The following ARFGEF2 variants were observed in gnomAD, a reference collection of about 807,000 sequenced individuals.
ARFGEF2 encodes the protein ARF guanine nucleotide exchange factor 2.
ARFGEF2 carries 74 observed loss-of-function variants against 219.9 expected under a neutral mutation model. That is an observed-to-expected ratio of 0.34 (90% confidence interval 0.28 to 0.41). The LOEUF (loss-of-function observed/expected upper bound fraction) is 0.41. ARFGEF2 is among the 10% of genes least tolerant of loss of function. The probability of loss-of-function intolerance (pLI) is 1.00; values close to 1 mark genes in which losing one functional copy is unlikely to be tolerated. For synonymous variants in ARFGEF2, 733 were observed against 799.2 expected, an observed-to-expected ratio of 0.92 and a Z score of 1.40; for missense variants, 1,743 against 2,218.3, an observed-to-expected ratio of 0.79 and a Z score of 4.30.
At chr20:49,003,702 A>G (rs1345291909) in intron 25 of ARFGEF2, among the ~76,000 whole-genome samples, 3 of 152,112 alleles carry the variant, frequency 2.0e-5, no homozygotes, top group Admixed American at 6.6e-5. Context: ...ATATCCCCAG[A>G]TCTCCTGGCA....
At chr20:49,018,739 A>T (rs2091545930) in intron 33 of ARFGEF2, 145 bp from the exon 34 acceptor site, 1 of 683,082 alleles carries the variant, frequency 1.5e-6, no homozygotes. Flanking sequence ...GAGGCATGCT[A>T]CATTAAGCAT....
chr20:48,944,393 G>A (rs577338257), intron 3 of ARFGEF2, among the ~76,000 whole-genome samples: 7 of 152,122 alleles, frequency 4.6e-5, no homozygotes, highest in African/African-American at 9.7e-5. Flanking sequence ...TCACCGTACC[G>A]TGTGTAGTCC....
chr20:49,033,314 A>C lies in ARFGEF2; in HGVS notation c.*115A>C. The C allele has an allele frequency of 1.6e-6, 2 of 1,225,742 alleles. No individual in the cohort carries two copies. The highest frequency in any genetic ancestry group is 3.8e-5 in the Admixed American group (2 of 51,962). The allele number at this position is 1,225,742 out of a possible 1,614,324, so 75.9% of individuals were successfully genotyped here. On this transcript the variant is annotated 3_prime_UTR_variant, in exon 39 of 39. Coordinates refer to ENST00000371917, the MANE Select transcript of ARFGEF2 (RefSeq NM_006420.3). Reference sequence around the variant, plus strand: ...AGGAGTTGGCATCTTGGATCTCAGAATGGCCTGGAAACGGATGGCCTCTAC... The same window carrying C: ...AGGAGTTGGCATCTTGGATCTCAGACTGGCCTGGAAACGGATGGCCTCTAC...
chr20:49,005,771 GTCA>G (rs1241403727), intron 26 of ARFGEF2, among the ~76,000 whole-genome samples: 2 of 147,688 alleles, frequency 1.4e-5, no homozygotes, highest in East Asian at 4.0e-4. Flanking sequence ...AAAGAAATAT[GTCA>G]TGAACCCCTT....
rs1298952247 is a variant in ARFGEF2 at position 48,994,371 on chromosome 20, T to A, written c.2974-80T>A. 2.5e-6 allele frequency: 4 copies of A among 1,583,888 alleles called. No homozygotes were observed. In the African/African-American group the frequency reaches 5.4e-5, roughly 21 times the overall value. On this transcript the variant is annotated intron_variant, in intron 21 of 38. Coordinates refer to ENST00000371917, the MANE Select transcript of ARFGEF2 (RefSeq NM_006420.3). The stretch of plus-strand genomic sequence containing the variant: ...TAACTCCATTGAACCAACTTTTTTT[T>A]AATGACTAACTTAAGATTACAGTGC...
At chr20:48,984,056 AG>A (rs950053093) in intron 14 of ARFGEF2, among the ~76,000 whole-genome samples, 5 of 151,848 alleles carry the variant, frequency 3.3e-5, no homozygotes, top group African/African-American at 1.2e-4. Flanking sequence ...AAAAAAAAAA[AG>A]TAGAGAAAGA....
chr20:48,963,178 A>C (rs1255913118), intron 6 of ARFGEF2, among the ~76,000 whole-genome samples: 1 of 151,454 alleles, frequency 6.6e-6, no homozygotes, highest in Non-Finnish European at 1.5e-5. Flanking sequence ...TCTGTCTCAA[A>C]AAAAAAAAAA....
chr20:48,937,817 A>G (rs1013366946), intron 1 of ARFGEF2, among the ~76,000 whole-genome samples: 1 of 152,080 alleles, frequency 6.6e-6, no homozygotes, highest in Non-Finnish European at 1.5e-5. Context: ...TTCCAAAACC[A>G]GGTTTTACCT....
chr20:48,940,874 T>C (rs2090989049), intron 1 of ARFGEF2, among the ~76,000 whole-genome samples: 2 of 152,168 alleles, frequency 1.3e-5, no homozygotes, highest in African/African-American at 2.4e-5. Context: ...TAACAAAGAA[T>C]TCTTCATCCC....
At chr20:48,926,059 C>A (rs2090875154) in intron 1 of ARFGEF2, among the ~76,000 whole-genome samples, 1 of 152,170 alleles carries the variant, frequency 6.6e-6, no homozygotes. Context: ...TCACTATTAT[C>A]ATCATTCCCA....
intron 36 of ARFGEF2, among the ~76,000 whole-genome samples, chr20:49,027,693 C>T (rs1235862681): frequency 6.6e-6 from 1 of 151,472 alleles, no homozygotes; most frequent in Non-Finnish European, 1.5e-5. Context: ...AAGACTGTCT[C>T]AAAATAAAAT....
Position 48,988,395 on chromosome 20 carries a change from C to T in ARFGEF2, c.2361+7C>T, listed in dbSNP as rs1486121259. On this transcript the variant is annotated splice_region_variant and intron_variant, in intron 17 of 38. Coordinates refer to ENST00000371917, the MANE Select transcript of ARFGEF2 (RefSeq NM_006420.3). ...AGACTTGCACAGTCCTCAGGTAAAGCACTTTAATGATTTACATGTTGTATT... is the reference window on the plus strand; with the variant it reads ...AGACTTGCACAGTCCTCAGGTAAAGTACTTTAATGATTTACATGTTGTATT... 1.1e-5 allele frequency: 17 copies of T among 1,613,070 alleles called. No individual in the cohort carries two copies. The highest frequency in any genetic ancestry group is 1.3e-5 in the Non-Finnish European group (15 of 1,179,582).
rs2091403637 is a variant in ARFGEF2, at chr20:48,998,215, C to T, written c.3244C>T (p.Leu1082=). 7 of 1,613,984 alleles carry T rather than the reference C, an allele frequency of 4.3e-6. No homozygotes were observed. The South Asian group carries it at 5.5e-5, about 13-fold the overall frequency. ...VDRIFTGSTR[L]DGNAIVDFVR... ...TAGGATTTTTACTGGGTCTACCAGACTGGATGGAAATGCAATAGGTATGTA... is the reference window on the plus strand; with the variant it reads ...TAGGATTTTTACTGGGTCTACCAGATTGGATGGAAATGCAATAGGTATGTA... Residue 1082 remains leucine, a synonymous_variant, in exon 24 of 39, where the codon CTG becomes TTG. Coordinates refer to ENST00000371917, the MANE Select transcript of ARFGEF2 (RefSeq NM_006420.3).
At chr20:48,928,488 G>A (rs2090892617) in intron 1 of ARFGEF2, among the ~76,000 whole-genome samples, 1 of 140,468 alleles carries the variant, frequency 7.1e-6, no homozygotes, top group South Asian at 2.3e-4. Context: ...GTGAGCCACC[G>A]CGCCCGGCCG....
At chr20:48,978,284 T>C (rs1022739483) in intron 14 of ARFGEF2, among the ~76,000 whole-genome samples, 1 of 152,160 alleles carries the variant, frequency 6.6e-6, no homozygotes, top group Non-Finnish European at 1.5e-5. Context: ...GATCAGATGG[T>C]TGTAGATGCA....
chr20:48,929,849 C>G (rs2090902309), intron 1 of ARFGEF2, among the ~76,000 whole-genome samples: 1 of 152,092 alleles, frequency 6.6e-6, no homozygotes, highest in African/African-American at 2.4e-5. Context: ...AGAGGTAGGC[C>G]AAGACCCCAA....
In ARFGEF2 at chr20:48,949,188, G is replaced by A. The variant is rs185410014; in HGVS notation, c.277-2135G>A. Among the ~76,000 whole-genome samples the A allele has an allele frequency of 1.5e-3, 224 of 152,266 alleles. 9 individuals are homozygous for A. Among genetic ancestry groups the A allele is most frequent in the Admixed American group, 0.013 (198 of 15,302 alleles). ...GAGTAATGTGCCCCTTAAGGAGTCT[G>A]GAGAGGGGAGGATACTTTCTGTCCT... On this transcript the variant is annotated intron_variant, in intron 3 of 38. Transcript: ENST00000371917.
At chr20:48,943,016 C>T (rs985015843) in intron 3 of ARFGEF2, among the ~76,000 whole-genome samples, 3 of 152,176 alleles carry the variant, frequency 2.0e-5, no homozygotes, top group East Asian at 1.9e-4. Flanking sequence ...TGAGGCACAT[C>T]ACCACCTTCT....
At chr20:48,981,450 T>C (rs1289946958) in intron 14 of ARFGEF2, among the ~76,000 whole-genome samples, 1 of 152,176 alleles carries the variant, frequency 6.6e-6, no homozygotes, top group Non-Finnish European at 1.5e-5. Flanking sequence ...AATCTGACAA[T>C]TATATGTCTT....
Sources: allele counts gnomAD v4.1 joint callset (sites outside exome capture counted in the v4.1 genomes callset), GRCh38; gene constraint gnomAD v4.1.1; transcripts MANE v1.5; gene names NCBI Gene and HGNC (gene_info 2026-07-23, HGNC 2026-07-21).